LRRC8B: variants seen among roughly 807,000 people sequenced by gnomAD.
LRRC8B encodes volume-regulated anion channel subunit LRRC8B.
A neutral mutation model predicts 58.8 loss-of-function variants in LRRC8B; 23 were observed. The ratio of observed to expected loss-of-function variants is 0.39; its 90% confidence interval spans 0.28 to 0.55. The LOEUF (loss-of-function observed/expected upper bound fraction) is 0.55, where lower values mean the gene tolerates loss of function less well. Among genes scored for constraint, LRRC8B ranks in the 20% least tolerant of loss-of-function variants. The pLI is 0.62. For missense variants in LRRC8B, 694 were observed against 936.0 expected, an observed-to-expected ratio of 0.74 and a Z score of 3.37; for synonymous variants, 359 against 374.1, an observed-to-expected ratio of 0.96 and a Z score of 0.47.
intron 1 of LRRC8B, among the ~76,000 whole-genome samples, chr1:89,554,451 T>C (rs1274850427): frequency 6.6e-6 from 1 of 152,220 alleles, no homozygotes; most frequent in African/African-American, 2.4e-5. Flanking sequence ...ATCTTTCTTG[T>C]ACTTATGCCT....
rs570395396 is a variant in LRRC8B, at chr1:89,593,883, T to C, written c.*840T>C. 6.6e-6 allele frequency: 1 copy of C among 152,358 alleles called. No individual in the cohort carries two copies. The highest frequency in any genetic ancestry group is 1.5e-5 in the Non-Finnish European group (1 of 68,044). 9.4% of individuals were successfully genotyped at this position (152,358 alleles called of 1,614,324 possible). A position where few individuals can be genotyped will look rare whatever the true frequency, so the allele number is the denominator to read the frequency against. ...AATTCTTTTTTGGCTTAATTTTTAC[T>C]TCCTTTCCCAGCTTGCTTGAGTCTT... On this transcript the variant is annotated 3_prime_UTR_variant, in exon 6 of 6. Transcript: ENST00000330947.
chr1:89,528,968 A>G (rs1263051342), intron 1 of LRRC8B, among the ~76,000 whole-genome samples: 4 of 152,166 alleles, frequency 2.6e-5, no homozygotes, highest in African/African-American at 4.8e-5. Flanking sequence ...GGGAAATACT[A>G]TCCTTATTCC....
intron 3 of LRRC8B, among the ~76,000 whole-genome samples, chr1:89,576,380 G>A (rs12749599): frequency 0.19 from 28,876 of 152,042 alleles, 3,465 homozygotes; most frequent in Admixed American, 0.31. Flanking sequence ...CTCCTGGGGA[G>A]ATTTGGGGGA....
intron 1 of LRRC8B, among the ~76,000 whole-genome samples, chr1:89,545,929 A>G (rs1440437297): frequency 6.6e-6 from 1 of 152,194 alleles, no homozygotes; most frequent in African/African-American, 2.4e-5. Context: ...ATGAAACGAT[A>G]CATCCAGGAT....
chr1:89,542,625 G>A (rs762737880), intron 1 of LRRC8B, among the ~76,000 whole-genome samples: 51 of 152,002 alleles, frequency 3.4e-4, no homozygotes, highest in Admixed American at 5.9e-4. Flanking sequence ...ATTGATGCTC[G>A]TTTTACTATT....
At chr1:89,558,806 G>A (rs1652381966) in intron 1 of LRRC8B, 1 of 152,246 alleles carries the variant, frequency 6.6e-6, no homozygotes, top group Non-Finnish European at 1.5e-5. Context: ...GGGACGGAAG[G>A]AGAGAACTTA....
At chr1:89,543,230 A>G (rs1050133131) in intron 1 of LRRC8B, among the ~76,000 whole-genome samples, 10 of 152,194 alleles carry the variant, frequency 6.6e-5, no homozygotes, top group African/African-American at 2.4e-4. Context: ...CACATTTTTA[A>G]TGTATATTTT....
At chr1:89,587,742 T>C (rs1654724947) in intron 5 of LRRC8B, among the ~76,000 whole-genome samples, 1 of 152,142 alleles carries the variant, frequency 6.6e-6, no homozygotes, top group South Asian at 2.1e-4. Flanking sequence ...GAAAAGACAT[T>C]AGTTGAAAGG....
At chr1:89,534,514 T>C (rs1213294298) in intron 1 of LRRC8B, among the ~76,000 whole-genome samples, 2 of 149,210 alleles carry the variant, frequency 1.3e-5, no homozygotes, top group East Asian at 2.0e-4. Flanking sequence ...TTTTGTGACA[T>C]ACACACACAC....
At chr1:89,542,273 A>G (rs1406361170) in intron 1 of LRRC8B, among the ~76,000 whole-genome samples, 11 of 152,196 alleles carry the variant, frequency 7.2e-5, no homozygotes, top group Non-Finnish European at 1.3e-4. Context: ...TCAGTCTCCT[A>G]TGAGTTTCAG....
chr1:89,541,902 G>A (rs1466148274), intron 1 of LRRC8B, among the ~76,000 whole-genome samples: 1 of 151,906 alleles, frequency 6.6e-6, no homozygotes, highest in Non-Finnish European at 1.5e-5. Context: ...AGAAAGCATT[G>A]ACTATACCAA....
At chr1:89,534,657 C>T (rs138641012) in intron 1 of LRRC8B, among the ~76,000 whole-genome samples, 7 of 152,250 alleles carry the variant, frequency 4.6e-5, no homozygotes, top group Admixed American at 1.3e-4. Context: ...CAGAACAACA[C>T]GTGTAATCAA....
intron 1 of LRRC8B, among the ~76,000 whole-genome samples, chr1:89,547,004 G>T (rs1337457121): frequency 6.6e-6 from 1 of 152,110 alleles, no homozygotes. Context: ...CAAACTTAAA[G>T]TACTAAAAGT....
intron 1 of LRRC8B, among the ~76,000 whole-genome samples, chr1:89,554,851 T>C (rs1294994040): frequency 6.6e-6 from 1 of 152,198 alleles, no homozygotes. Context: ...ACAGTCTTTT[T>C]GCCCTTCAAA....
At chr1:89,530,381 TAATA>T (rs150494551) in intron 1 of LRRC8B, among the ~76,000 whole-genome samples, 7 of 147,510 alleles carry the variant, frequency 4.7e-5, no homozygotes, top group East Asian at 3.9e-4. Context: ...AATAAATAAA[TAATA>T]AATAAATAAA....
At chr1:89,576,627 C>T (rs915128819) in intron 3 of LRRC8B, among the ~76,000 whole-genome samples, 1 of 152,166 alleles carries the variant, frequency 6.6e-6, no homozygotes, top group African/African-American at 2.4e-5. Context: ...AAATTGGCAA[C>T]TCTGAGGGAT....
chr1:89,589,038 T>C (rs1314816749), intron 5 of LRRC8B, among the ~76,000 whole-genome samples: 1 of 152,250 alleles, frequency 6.6e-6, no homozygotes, highest in East Asian at 1.9e-4. Flanking sequence ...TATATTCAAT[T>C]GTTATATTTT....
chr1:89,542,487 C>G (rs1393297889), intron 1 of LRRC8B, among the ~76,000 whole-genome samples: 1 of 152,124 alleles, frequency 6.6e-6, no homozygotes, highest in East Asian at 1.9e-4. Context: ...ATAACAGCCA[C>G]TAAATATTTA....
Position 89,576,799 on chromosome 1 carries a change from A to C in LRRC8B, c.-124-2792A>C, listed in dbSNP as rs111457887. Among the ~76,000 whole-genome samples, 1,347 of 152,302 alleles carry C rather than the reference A, an allele frequency of 8.8e-3. 19 individuals carry two copies. Among genetic ancestry groups the C allele is most frequent in the African/African-American group, 0.031 (1,276 of 41,566 alleles). The stretch of plus-strand genomic sequence containing the variant: ...AAATCACTGTACTAACAAGATTTGA[A>C]AGAACTACAAAGGGACATAAGGAAA... On this transcript the variant is annotated intron_variant, in intron 3 of 5. Coordinates refer to ENST00000330947, the MANE Select transcript of LRRC8B (RefSeq NM_001369817.2).
Sources: allele counts gnomAD v4.1 joint callset (sites outside exome capture counted in the v4.1 genomes callset), GRCh38; gene constraint gnomAD v4.1.1; transcripts MANE v1.5; gene names NCBI Gene and HGNC (gene_info 2026-07-23, HGNC 2026-07-21).